ROCK1: variants seen among roughly 807,000 people sequenced by gnomAD.
ROCK1 encodes Rho associated coiled-coil containing protein kinase 1.
In ROCK1, 36 loss-of-function variants were observed where a neutral mutation model predicts 196.8. The ratio of observed to expected loss-of-function variants is 0.18; its 90% CI spans 0.14 to 0.24. The LOEUF is 0.24. Among genes scored for constraint, ROCK1 ranks in the 10% least tolerant of loss-of-function variants. The pLI is 1.00. For synonymous variants in ROCK1, 443 were observed against 515.9 expected (o/e 0.86, Z 1.91); for missense variants, 920 against 1,562.0 (o/e 0.59, Z 6.93).
chr18:21,053,055 G>A (rs1260416537), intron 2 of ROCK1, among the ~76,000 whole-genome samples: 1 of 152,088 alleles, frequency 6.6e-6, no homozygotes, highest in Non-Finnish European at 1.5e-5. Context: ...AAGAGTCAAG[G>A]AAAACAACTC....
At chr18:21,037,867 C>T (rs542809567) in intron 9 of ROCK1, among the ~76,000 whole-genome samples, 2 of 152,100 alleles carry the variant, frequency 1.3e-5, no homozygotes, top group African/African-American at 4.8e-5. Context: ...CAATATACAA[C>T]AGGTGTTCAG....
At chr18:20,983,557 T>G (rs2035552163) in intron 20 of ROCK1, among the ~76,000 whole-genome samples, 1 of 152,064 alleles carries the variant, frequency 6.6e-6, no homozygotes, top group Admixed American at 6.6e-5. Context: ...CGGCTAGACT[T>G]TCATATTAGA....
chr18:20,984,613 A>G lies in ROCK1; in HGVS notation c.2305-78T>C, dbSNP rs1275992946. 3.9e-6 allele frequency: 4 copies of G among 1,014,256 alleles called. No individual in the cohort carries two copies. The African/African-American group carries it at 4.9e-5, about 12-fold the overall frequency. The allele number at this position is 1,014,256 out of a possible 1,614,324, so 62.8% of individuals were successfully genotyped here. ...ACATTATTTGAAAGACTACTAACCA[A>G]ATCAAGTACATTATAATTCATGGTA... On this transcript the variant is annotated intron_variant, in intron 19 of 32. Transcript: ENST00000399799.
chr18:21,034,064 C>G (rs1261635594), intron 9 of ROCK1, among the ~76,000 whole-genome samples: 1 of 147,518 alleles, frequency 6.8e-6, no homozygotes, highest in East Asian at 2.0e-4. Context: ...AAAAAAAAGT[C>G]AAAAAGAAAT....
intron 2 of ROCK1, among the ~76,000 whole-genome samples, chr18:21,068,590 T>C (rs561734506): frequency 8.5e-5 from 13 of 152,350 alleles, no homozygotes; most frequent in South Asian, 4.1e-4. Flanking sequence ...TATTGAATTG[T>C]ACAATCCATG....
At chr18:20,985,955 T>C (rs1415451635) in intron 19 of ROCK1, among the ~76,000 whole-genome samples, 1 of 152,092 alleles carries the variant, frequency 6.6e-6, no homozygotes, top group African/African-American at 2.4e-5. Flanking sequence ...CCTCCTGAGG[T>C]GCAAGGAATC....
At chr18:21,059,611 T>C (rs917108010) in intron 2 of ROCK1, among the ~76,000 whole-genome samples, 1 of 152,252 alleles carries the variant, frequency 6.6e-6, no homozygotes, top group Non-Finnish European at 1.5e-5. Context: ...TAAAAGTATA[T>C]ATTTAAAAAT....
At chr18:21,021,373 T>A (rs982599431) in intron 11 of ROCK1, among the ~76,000 whole-genome samples, 3 of 151,890 alleles carry the variant, frequency 2.0e-5, no homozygotes, top group Non-Finnish European at 2.9e-5. Flanking sequence ...CTTTGGGAAA[T>A]GTTAATAATT....
Position 20,954,788 on chromosome 18 carries a change from C to T in ROCK1, c.3848G>A (p.Cys1283Tyr). Reference sequence around the variant, plus strand: ...CAATAATTACCATGCCTTACCTTTACATGGACAAATTAAGTCCTCTTTCTT... The same window carrying T: ...CAATAATTACCATGCCTTACCTTTATATGGACAAATTAAGTCCTCTTTCTT... The part of the protein sequence containing the change: ...LDKKEDLICP[C>Y]KVSYDVTSAR... Residue 1283 changes from cysteine to tyrosine, a missense_variant, in exon 31 of 33, where the codon TGT becomes TAT. By Grantham distance (194) the Cys-to-Tyr change is radical. This residue lies in a region of ROCK1 where 49 missense variants were observed against 180.4 expected (regional missense o/e 0.27). Transcript: ENST00000399799. 6.2e-7 allele frequency: 1 copy of T among 1,602,970 alleles called. No homozygotes were observed. The highest frequency in any genetic ancestry group is 8.5e-7 in the Non-Finnish European group (1 of 1,175,596).
Position 21,045,857 on chromosome 18 carries a change from T to C in ROCK1, c.415-390A>G, listed in dbSNP as rs118086259. ...TATTAAATTTATATCAATATCACAA[T>C]GCTCAAGAAGTCTTTGATAAATTTG... is the stretch of plus-strand genomic sequence containing the variant. On this transcript the variant is annotated intron_variant, in intron 4 of 32. Coordinates refer to ENST00000399799, the MANE Select transcript of ROCK1 (RefSeq NM_005406.3). 8.0e-3 allele frequency among the ~76,000 whole-genome samples: 1,197 copies of C among 150,174 alleles called. 91 individuals are homozygous for C. In the East Asian group the frequency reaches 0.19, roughly 24 times the overall value.
intron 9 of ROCK1, among the ~76,000 whole-genome samples, chr18:21,030,337 T>TG (rs1361139373): frequency 1.3e-5 from 2 of 152,114 alleles, no homozygotes; most frequent in Non-Finnish European, 2.9e-5. Context: ...TTGTCATTAA[T>TG]GGGAAAAAAG....
chr18:20,964,143 G>A (rs1035887413), intron 27 of ROCK1, among the ~76,000 whole-genome samples: 8 of 151,850 alleles, frequency 5.3e-5, no homozygotes, highest in African/African-American at 1.9e-4. Flanking sequence ...AAAAAAAACT[G>A]AAAAATGTGA....
chr18:21,024,510 T>G (rs1330605111), intron 10 of ROCK1, among the ~76,000 whole-genome samples: 1 of 152,168 alleles, frequency 6.6e-6, no homozygotes, highest in Non-Finnish European at 1.5e-5. Context: ...TCACCACCAC[T>G]ACAGTCAGCA....
At chr18:20,968,652 G>T (rs1210493857) in intron 25 of ROCK1, 120 bp downstream of exon 25, 2 of 654,166 alleles carry the variant, frequency 3.1e-6, no homozygotes, top group South Asian at 2.0e-5. Flanking sequence ...AGCGGGGAGA[G>T]AATTTATTTG....
rs141678885 is a variant in ROCK1 at position 21,090,235 on chromosome 18, G to A, written c.94-19622C>T. ...CCCCAACACTTTGGGAGGCCAAGGC[G>A]GGAGGATCCCTCGAACCTAATAGTT... On this transcript the variant is annotated intron_variant, in intron 1 of 32. Transcript: ENST00000399799. 2.5e-4 allele frequency among the ~76,000 whole-genome samples: 38 copies of A among 152,268 alleles called. No individual in the cohort carries two copies. In the East Asian group the frequency reaches 6.8e-3, roughly 27 times the overall value.
At chr18:21,080,139 A>G (rs1443470087) in intron 1 of ROCK1, among the ~76,000 whole-genome samples, 5 of 152,174 alleles carry the variant, frequency 3.3e-5, no homozygotes, top group Non-Finnish European at 5.9e-5. Flanking sequence ...CCCACTCATC[A>G]AAGCCATATC....
chr18:20,970,271 C>G, intron 23 of ROCK1, 77 bp downstream of exon 23: 1 of 1,129,434 alleles, frequency 8.9e-7, no homozygotes. Context: ...TGCACACACA[C>G]TTACCCTAAT....
chr18:21,096,693 T>C (rs1432960640), intron 1 of ROCK1, among the ~76,000 whole-genome samples: 3 of 152,140 alleles, frequency 2.0e-5, no homozygotes, highest in African/African-American at 7.2e-5. Context: ...TAGGTATGAT[T>C]AACAAACAAG....
intron 2 of ROCK1, among the ~76,000 whole-genome samples, chr18:21,064,709 T>A (rs917589095): frequency 3.9e-5 from 6 of 152,234 alleles, no homozygotes; most frequent in African/African-American, 1.4e-4. Flanking sequence ...TTTATACTAC[T>A]CTTTTGTATT....
Sources: gnomAD v4.1 joint callset for allele counts (sites outside exome capture counted in the v4.1 genomes callset) on GRCh38, gnomAD v4.1.1 for gene constraint, gnomAD v4.1.1 regional missense constraint, MANE v1.5 for transcripts, NCBI Gene and HGNC (gene_info 2026-07-23, HGNC 2026-07-21) for gene names.